The following PHACTR1 variants were observed in gnomAD, a reference collection of about 807,000 sequenced individuals.
PHACTR1 encodes phosphatase and actin regulator 1.
Under a neutral mutation model 69.2 loss-of-function variants are expected in PHACTR1, and 16 were observed. The observed-to-expected ratio is 0.23, with a 90% CI of 0.16 to 0.35. The LOEUF is 0.35. PHACTR1 is among the 10% of genes least tolerant of loss of function. PHACTR1 has a pLI of 1.00. For missense variants in PHACTR1, 510 were observed against 734.7 expected, an observed-to-expected ratio of 0.69 and a Z score of 3.54; for synonymous variants, 312 against 284.5, an observed-to-expected ratio of 1.10 and a Z score of -0.97.
intron 4 of PHACTR1, among the ~76,000 whole-genome samples, chr6:12,982,664 A>C (rs761074609): frequency 6.6e-6 from 1 of 152,272 alleles, no homozygotes; most frequent in Admixed American, 6.5e-5. Flanking sequence ...AAATAAATAC[A>C]TAAATAAACA....
At chr6:12,767,864 A>G (rs1768841078) in intron 4 of PHACTR1, among the ~76,000 whole-genome samples, 1 of 152,336 alleles carries the variant, frequency 6.6e-6, no homozygotes, top group African/African-American at 2.4e-5. Flanking sequence ...ATCTTGTTTA[A>G]GTTACTGTAG....
At chr6:13,259,403 A>G (rs1775613421) in intron 10 of PHACTR1, among the ~76,000 whole-genome samples, 1 of 152,204 alleles carries the variant, frequency 6.6e-6, no homozygotes, top group South Asian at 2.1e-4. Flanking sequence ...ATATTACAAT[A>G]CTTTTTTGGG....
intron 4 of PHACTR1, among the ~76,000 whole-genome samples, chr6:12,803,566 A>G (rs1005537567): frequency 3.9e-5 from 6 of 152,264 alleles, no homozygotes; most frequent in Non-Finnish European, 5.9e-5. Flanking sequence ...ATGTACTTGA[A>G]TAAATAGGAC....
intron 4 of PHACTR1, among the ~76,000 whole-genome samples, chr6:12,873,205 T>C (rs1325330019): frequency 6.6e-6 from 1 of 151,798 alleles, no homozygotes; most frequent in Non-Finnish European, 1.5e-5. Flanking sequence ...TTTGTAGAGA[T>C]AGGATCTTGC....
At chr6:12,722,830 G>A (rs928481086) in intron 3 of PHACTR1, among the ~76,000 whole-genome samples, 2 of 152,168 alleles carry the variant, frequency 1.3e-5, no homozygotes, top group African/African-American at 4.8e-5. Context: ...TGATTAACTA[G>A]TGAGTCGTTT....
chr6:13,197,137 A>G (rs1020844703), intron 7 of PHACTR1, among the ~76,000 whole-genome samples: 1 of 152,218 alleles, frequency 6.6e-6, no homozygotes, highest in Admixed American at 6.5e-5. Context: ...TGGGGAATGT[A>G]TTATGATGTT....
At chr6:13,065,241 A>C (rs1212522646) in intron 5 of PHACTR1, among the ~76,000 whole-genome samples, 3 of 152,118 alleles carry the variant, frequency 2.0e-5, no homozygotes, top group Non-Finnish European at 4.4e-5. Context: ...CCAAAGAGAG[A>C]AAGTAAAGTG....
At position 13,006,710 on chromosome 6, in the gene PHACTR1, G is replaced by C. The variant is rs113020358; in HGVS notation, c.251-46655G>C. Among the ~76,000 whole-genome samples, 427 of 152,058 alleles carry C rather than the reference G, an allele frequency of 2.8e-3. 2 individuals are homozygous for C. The highest frequency in any genetic ancestry group is 6.9e-3 in the Admixed American group (105 of 15,260). On this transcript the variant is annotated intron_variant, in intron 4 of 14. Coordinates refer to ENST00000332995, the MANE Select transcript of PHACTR1 (RefSeq NM_030948.6). ...CTCATTGTTTTATTAGTCTCGATAGGCTAGATCGTGTTGCAGTGAAAACAA... is the reference window on the plus strand; with the variant it reads ...CTCATTGTTTTATTAGTCTCGATAGCCTAGATCGTGTTGCAGTGAAAACAA...
At chr6:12,747,567 T>C (rs1420010065) in intron 3 of PHACTR1, among the ~76,000 whole-genome samples, 1 of 151,804 alleles carries the variant, frequency 6.6e-6, no homozygotes, top group Middle Eastern at 3.2e-3. Context: ...TCAGGAGGCT[T>C]GGGTGGGAGG....
intron 4 of PHACTR1, among the ~76,000 whole-genome samples, chr6:12,982,904 T>C (rs1360322352): frequency 6.6e-6 from 1 of 152,230 alleles, no homozygotes; most frequent in African/African-American, 2.4e-5. Context: ...ACTATGCAAT[T>C]AGAGATGTTA....
chr6:12,816,365 ATTCC>A (rs1460241938), intron 4 of PHACTR1, among the ~76,000 whole-genome samples: 2 of 152,236 alleles, frequency 1.3e-5, no homozygotes, highest in African/African-American at 4.8e-5. Flanking sequence ...AAATTCAGTT[ATTCC>A]CCTTAGTCTT....
At chr6:12,822,888 G>C (rs946878008) in intron 4 of PHACTR1, among the ~76,000 whole-genome samples, 1 of 152,100 alleles carries the variant, frequency 6.6e-6, no homozygotes, top group Non-Finnish European at 1.5e-5. Context: ...GAGAGGTTAG[G>C]GCAGCGGACA....
chr6:12,758,623 T>G (rs775452662), intron 4 of PHACTR1, among the ~76,000 whole-genome samples: 3 of 152,016 alleles, frequency 2.0e-5, no homozygotes, highest in Non-Finnish European at 4.4e-5. Flanking sequence ...CATGACATAG[T>G]GAAGGTACTA....
chr6:13,272,578 C>T, intron 10 of PHACTR1: 1 of 737,228 alleles, frequency 1.4e-6, no homozygotes, highest in Non-Finnish European at 2.1e-6. Flanking sequence ...GTCTGAGTTG[C>T]AGTCCACTTG....
intron 4 of PHACTR1, among the ~76,000 whole-genome samples, chr6:12,942,642 G>T (rs977791196): frequency 3.3e-5 from 5 of 152,164 alleles, no homozygotes; most frequent in African/African-American, 9.7e-5. Flanking sequence ...CTGGGCGACA[G>T]AACGAGATCC....
chr6:13,226,809 C>T (rs1453632881), intron 8 of PHACTR1, among the ~76,000 whole-genome samples: 1 of 149,624 alleles, frequency 6.7e-6, no homozygotes, highest in East Asian at 2.0e-4. Flanking sequence ...ACGATCTTGG[C>T]TCACTGCAAC....
At chr6:12,772,797 A>G (rs1482248742) in intron 4 of PHACTR1, among the ~76,000 whole-genome samples, 1 of 152,224 alleles carries the variant, frequency 6.6e-6, no homozygotes, top group Non-Finnish European at 1.5e-5. Flanking sequence ...GGTCTATGTT[A>G]ATTTATATTG....
chr6:13,028,986 G>A (rs1367098426), intron 4 of PHACTR1, among the ~76,000 whole-genome samples: 1 of 152,142 alleles, frequency 6.6e-6, no homozygotes, highest in Non-Finnish European at 1.5e-5. Context: ...AAGAGTAGGT[G>A]TACTGGCTTT....
At chr6:13,146,578 T>C (rs375179590) in intron 5 of PHACTR1, among the ~76,000 whole-genome samples, 4 of 152,316 alleles carry the variant, frequency 2.6e-5, no homozygotes, top group African/African-American at 9.6e-5. Context: ...GCAGGCAAGC[T>C]TATTTCCATT....
Sources: gnomAD v4.1 joint callset for allele counts (sites outside exome capture counted in the v4.1 genomes callset) on GRCh38, gnomAD v4.1.1 for gene constraint, MANE v1.5 for transcripts, NCBI Gene and HGNC (gene_info 2026-07-23, HGNC 2026-07-21) for gene names.